Variants in DCDC1 observed in about 807,000 individuals in gnomAD.
DCDC1 encodes the protein doublecortin domain-containing protein 1.
Under a neutral mutation model 178.3 loss-of-function variants are expected in DCDC1, and 200 were observed. The ratio of observed to expected loss-of-function variants is 1.12; its 90% CI spans 1.00 to 1.26. The LOEUF (loss-of-function observed/expected upper bound fraction) is 1.26, where lower values mean the gene tolerates loss of function less well. Ranked by LOEUF, DCDC1 falls within the 50% of genes most tolerant of loss-of-function variation. DCDC1 has a pLI of 0.00. For missense variants in DCDC1, 1,983 were observed against 1,749.2 expected (o/e 1.13, Z -2.38); for synonymous variants, 690 against 604.8 (o/e 1.14, Z -2.07).
At chr11:31,209,696 T>C (rs918338642) in intron 9 of DCDC1, among the ~76,000 whole-genome samples, 18 of 152,284 alleles carry the variant, frequency 1.2e-4, no homozygotes, top group African/African-American at 3.4e-4. Context: ...GGTTGGACAA[T>C]GACTGAGTAG....
At chr11:31,327,746 T>G (rs958359229) in intron 3 of DCDC1, among the ~76,000 whole-genome samples, 1 of 151,972 alleles carries the variant, frequency 6.6e-6, no homozygotes, top group Non-Finnish European at 1.5e-5. Flanking sequence ...CATTTTTTTT[T>G]AGACAGAGTC....
At chr11:31,012,353 T>C (rs1478639019) in intron 20 of DCDC1, among the ~76,000 whole-genome samples, 3 of 152,126 alleles carry the variant, frequency 2.0e-5, no homozygotes, top group Non-Finnish European at 4.4e-5. Flanking sequence ...ATTCCAGCAC[T>C]TTGTAAAGCC....
chr11:30,941,775 A>T (rs1947659099), intron 21 of DCDC1, among the ~76,000 whole-genome samples: 1 of 152,172 alleles, frequency 6.6e-6, no homozygotes, highest in African/African-American at 2.4e-5. Context: ...AACTGTGAAG[A>T]TTACTGAAAA....
chr11:31,086,823 T>G (rs1363284451), intron 17 of DCDC1, among the ~76,000 whole-genome samples: 1 of 152,190 alleles, frequency 6.6e-6, no homozygotes, highest in East Asian at 1.9e-4. Context: ...AATCATTTTT[T>G]GCACTTATAG....
intron 20 of DCDC1, among the ~76,000 whole-genome samples, chr11:31,048,571 C>T (rs1292838917): frequency 6.6e-6 from 1 of 152,058 alleles, no homozygotes; most frequent in East Asian, 1.9e-4. Context: ...AAAGGACTGT[C>T]GGCTGGGCGC....
chr11:31,211,608 A>C (rs1207807523), intron 9 of DCDC1, among the ~76,000 whole-genome samples: 1 of 152,202 alleles, frequency 6.6e-6, no homozygotes, highest in East Asian at 1.9e-4. Context: ...AAAAATCCAT[A>C]TGGAATAATC....
At chr11:31,331,483 G>A (rs954297422) in intron 2 of DCDC1, among the ~76,000 whole-genome samples, 5 of 152,156 alleles carry the variant, frequency 3.3e-5, no homozygotes, top group African/African-American at 1.2e-4. Context: ...AATGCTTCCA[G>A]TTTTTGCCCA....
In DCDC1 at chr11:30,909,118, T is replaced by G; in HGVS notation, c.3748-2A>C. The G allele has an allele frequency of 1.9e-6, 3 of 1,598,504 alleles. No homozygotes were observed. Among genetic ancestry groups the G allele is most frequent in the Non-Finnish European group, 2.6e-6 (3 of 1,170,186 alleles). The stretch of plus-strand genomic sequence containing the variant: ...TCCATTGTTGTACGGCTTATATTTC[T>G]GAAAAAAGAGGCAAAATATGGAGTC... On this transcript the variant is annotated splice_acceptor_variant, in intron 28 of 38. Coordinates refer to ENST00000684477, the MANE Select transcript of DCDC1 (RefSeq NM_001387274.1). LOFTEE classifies it high-confidence loss of function.
At chr11:31,325,188 T>C (rs1949581342) in intron 3 of DCDC1, among the ~76,000 whole-genome samples, 1 of 152,142 alleles carries the variant, frequency 6.6e-6, no homozygotes, top group African/African-American at 2.4e-5. Flanking sequence ...TTGGAGATCT[T>C]CCACTCCAGC....
chr11:31,185,983 G>T (rs58180113), intron 9 of DCDC1, among the ~76,000 whole-genome samples: 5 of 152,154 alleles, frequency 3.3e-5, no homozygotes, highest in South Asian at 2.1e-4. Context: ...TCATTTTCTC[G>T]TTTAGATAAT....
At chr11:31,308,001 T>C in intron 3 of DCDC1, 93 bp from the exon 4 acceptor site, 7 of 1,479,574 alleles carry the variant, frequency 4.7e-6, no homozygotes, top group South Asian at 1.3e-5. Flanking sequence ...TGCTATGTGC[T>C]ACACAAAATA....
At chr11:31,048,109 C>A (rs1449065430) in intron 20 of DCDC1, among the ~76,000 whole-genome samples, 1 of 151,964 alleles carries the variant, frequency 6.6e-6, no homozygotes, top group East Asian at 1.9e-4. Flanking sequence ...AATATCTTAC[C>A]CCAAATCATA....
chr11:31,232,028 T>C (rs1200065451), intron 9 of DCDC1, among the ~76,000 whole-genome samples: 1 of 152,210 alleles, frequency 6.6e-6, no homozygotes, highest in Admixed American at 6.5e-5. Flanking sequence ...ATCCTGAGAC[T>C]GAGGAAGGTC....
At chr11:31,022,236 T>C (rs1952920754) in intron 20 of DCDC1, among the ~76,000 whole-genome samples, 1 of 152,140 alleles carries the variant, frequency 6.6e-6, no homozygotes, top group Non-Finnish European at 1.5e-5. Flanking sequence ...TTTTTGCCTC[T>C]TCCTAGTTTC....
chr11:30,920,204 A>C (rs558676795), intron 25 of DCDC1, among the ~76,000 whole-genome samples: 3 of 152,324 alleles, frequency 2.0e-5, no homozygotes, highest in African/African-American at 7.2e-5. Context: ...AATGAGGGTC[A>C]ATGACAGGCA....
intron 1 of DCDC1, among the ~76,000 whole-genome samples, chr11:31,369,484 C>T (rs1952160104): frequency 6.6e-6 from 1 of 152,174 alleles, no homozygotes. Flanking sequence ...CCCCCGCACC[C>T]CTCTCTCACC....
intron 20 of DCDC1, among the ~76,000 whole-genome samples, chr11:31,013,291 A>T (rs2135134566): frequency 6.6e-6 from 1 of 152,256 alleles, no homozygotes; most frequent in South Asian, 2.1e-4. Flanking sequence ...GAGATATTTA[A>T]TATTCATAAT....
chr11:31,076,597 G>A (rs1956879567), intron 18 of DCDC1, among the ~76,000 whole-genome samples: 1 of 152,086 alleles, frequency 6.6e-6, no homozygotes, highest in African/African-American at 2.4e-5. Context: ...TCCTGCCTTG[G>A]CTTCCCAAAG....
chr11:30,989,017 C>G (rs1950826542), intron 20 of DCDC1, among the ~76,000 whole-genome samples: 1 of 152,120 alleles, frequency 6.6e-6, no homozygotes, highest in South Asian at 2.1e-4. Context: ...ACTGATATTT[C>G]TATGGCATTC....
Sources: gnomAD v4.1 joint callset for allele counts (sites outside exome capture counted in the v4.1 genomes callset) on GRCh38, gnomAD v4.1.1 for gene constraint, MANE v1.5 for transcripts, NCBI Gene and HGNC (gene_info 2026-07-23, HGNC 2026-07-21) for gene names.